The following VWC2 variants were observed in gnomAD, a reference collection of about 807,000 sequenced individuals.
The protein encoded by VWC2 is von Willebrand factor C domain containing 2.
Under a neutral mutation model 29.8 loss-of-function variants are expected in VWC2, and 14 were observed. That is an observed-to-expected ratio of 0.47 (90% CI 0.31 to 0.74). VWC2 has a LOEUF of 0.74. Ranked by LOEUF, VWC2 falls within the 30% of genes least tolerant of loss-of-function variation. The pLI, the probability that VWC2 is intolerant of heterozygous loss-of-function variation, is 0.05. For missense variants in VWC2, 457 were observed against 459.8 expected, an observed-to-expected ratio of 0.99 and a Z score of 0.05; for synonymous variants, 213 against 199.0, an observed-to-expected ratio of 1.07 and a Z score of -0.59.
chr7:49,869,814 A>G (rs985281826), intron 3 of VWC2, among the ~76,000 whole-genome samples: 2 of 151,908 alleles, frequency 1.3e-5, no homozygotes, highest in Non-Finnish European at 2.9e-5. Context: ...AAATGTACAT[A>G]TATGTTTTTT....
intron 3 of VWC2, among the ~76,000 whole-genome samples, chr7:49,816,823 C>T (rs1382703922): frequency 6.6e-6 from 1 of 152,176 alleles, no homozygotes; most frequent in Admixed American, 6.5e-5. Context: ...TTATCCCTAT[C>T]ACCTTGTCTA....
chr7:49,819,455 G>C (rs1789217753), intron 3 of VWC2, among the ~76,000 whole-genome samples: 1 of 152,174 alleles, frequency 6.6e-6, no homozygotes, highest in African/African-American at 2.4e-5. Context: ...GGGACATGCA[G>C]CCAAAACACG....
intron 2 of VWC2, among the ~76,000 whole-genome samples, chr7:49,780,564 A>T (rs1463448605): frequency 6.6e-6 from 1 of 152,084 alleles, no homozygotes; most frequent in African/African-American, 2.4e-5. Flanking sequence ...AATTTTTGTG[A>T]CTCTGAAATA....
In VWC2 at chr7:49,914,178, G is replaced by A. The variant is rs555057917; in HGVS notation, c.*1993G>A. ...GCCCCCATGGGTAGGTGGGCCATTA[G>A]TAACCTCTTCTCTCTCCATCAGGCA... On this transcript the variant is annotated 3_prime_UTR_variant, in exon 4 of 4. Transcript: ENST00000340652. 6.6e-6 allele frequency: 1 copy of A among 152,350 alleles called. No homozygotes were observed. Among genetic ancestry groups the A allele is most frequent in the South Asian group, 2.1e-4 (1 of 4,826 alleles). 9.4% of individuals were successfully genotyped at this position (152,350 alleles called of 1,614,324 possible). A position where few individuals can be genotyped will look rare whatever the true frequency, so the allele number is the denominator to read the frequency against.
At chr7:49,797,027 T>C (rs1035895388) in intron 2 of VWC2, among the ~76,000 whole-genome samples, 5 of 152,238 alleles carry the variant, frequency 3.3e-5, no homozygotes, top group African/African-American at 9.6e-5. Context: ...AGAAATAGAT[T>C]CAATATTTAT....
chr7:49,781,348 A>C (rs972529856), intron 2 of VWC2, among the ~76,000 whole-genome samples: 1 of 152,160 alleles, frequency 6.6e-6, no homozygotes, highest in East Asian at 1.9e-4. Flanking sequence ...GCTTATTTGC[A>C]TGTTCCATAC....
intron 2 of VWC2, among the ~76,000 whole-genome samples, chr7:49,788,445 CTGTGTGTGTG>C (rs35708736): frequency 5.4e-5 from 8 of 148,072 alleles, no homozygotes; most frequent in South Asian, 2.2e-4. Flanking sequence ...TTCCCCTGGC[CTGTGTGTGTG>C]TGTGTGTGTG....
At position 49,918,681 on chromosome 7, in the gene VWC2, A is replaced by G. The variant is rs1456890080; in HGVS notation, c.*6496A>G. The G allele has an allele frequency of 6.6e-6, 1 of 152,216 alleles. No individual in the cohort carries two copies. The highest frequency in any genetic ancestry group is 1.5e-5 in the Non-Finnish European group (1 of 68,042). The allele number at this position is 152,216 out of a possible 1,614,324, so 9.4% of individuals were successfully genotyped here. A position where few individuals can be genotyped will look rare whatever the true frequency, so the allele number is the denominator to read the frequency against. On this transcript the variant is annotated 3_prime_UTR_variant, in exon 4 of 4. Coordinates refer to ENST00000340652, the MANE Select transcript of VWC2 (RefSeq NM_198570.5). ...GTGATGATTATAGGGCAAACACTAC[A>G]ATTTCAAATTTCATATTCTTTTATC... is the stretch of plus-strand genomic sequence containing the variant.
chr7:49,803,932 G>A lies in VWC2; in HGVS notation c.826+1092G>A, dbSNP rs531682891. ...AATAATTGGAAGAGGGAATGATGTT[G>A]CTGTTGAAGGATAGACCTGAAAGAA... On this transcript the variant is annotated intron_variant, in intron 3 of 3. Coordinates refer to ENST00000340652, the MANE Select transcript of VWC2 (RefSeq NM_198570.5). Among the ~76,000 whole-genome samples the A allele has an allele frequency of 3.9e-5, 6 of 152,298 alleles. No homozygotes were observed. In the East Asian group the frequency reaches 9.6e-4, roughly 24 times the overall value.
At chr7:49,806,955 A>G (rs948256004) in intron 3 of VWC2, among the ~76,000 whole-genome samples, 11 of 152,348 alleles carry the variant, frequency 7.2e-5, no homozygotes, top group African/African-American at 2.4e-4. Context: ...GATTTTAACA[A>G]GGATGTTTAG....
chr7:49,797,605 G>A (rs777210003), intron 2 of VWC2, among the ~76,000 whole-genome samples: 8 of 152,080 alleles, frequency 5.3e-5, no homozygotes, highest in East Asian at 1.9e-4. Context: ...CGTGCACACC[G>A]TTGCTAATTT....
At chr7:49,876,438 A>G (rs1481499195) in intron 3 of VWC2, among the ~76,000 whole-genome samples, 1 of 152,168 alleles carries the variant, frequency 6.6e-6, no homozygotes, top group African/African-American at 2.4e-5. Context: ...CCTGTCTCCT[A>G]GAGTTTTGAA....
intron 2 of VWC2, among the ~76,000 whole-genome samples, chr7:49,784,335 C>T (rs1788248012): frequency 6.6e-6 from 1 of 152,222 alleles, no homozygotes; most frequent in African/African-American, 2.4e-5. Flanking sequence ...ATTCTATATT[C>T]ATTTTTAAAA....
At chr7:49,858,643 ATG>A (rs1790524936) in intron 3 of VWC2, among the ~76,000 whole-genome samples, 1 of 151,984 alleles carries the variant, frequency 6.6e-6, no homozygotes, top group South Asian at 2.1e-4. Flanking sequence ...AACACGGCAC[ATG>A]TATATATATG....
intron 2 of VWC2, among the ~76,000 whole-genome samples, chr7:49,788,953 A>G (rs1389689730): frequency 7.1e-6 from 1 of 140,100 alleles, no homozygotes; most frequent in Admixed American, 7.1e-5. Context: ...GTGTGGGTGC[A>G]TGTGTGTGCA....
At chr7:49,822,187 C>A (rs987012721) in intron 3 of VWC2, among the ~76,000 whole-genome samples, 1 of 151,906 alleles carries the variant, frequency 6.6e-6, no homozygotes, top group Non-Finnish European at 1.5e-5. Context: ...TTACAGTATT[C>A]AACGAAGTAA....
At chr7:49,789,113 A>C (rs1788392457) in intron 2 of VWC2, among the ~76,000 whole-genome samples, 1 of 120,878 alleles carries the variant, frequency 8.3e-6, no homozygotes, top group African/African-American at 3.9e-5. Context: ...AGAGATTGAG[A>C]GAGTGTAGTG....
Position 49,775,925 on chromosome 7 carries a change from G to T in VWC2, c.490G>T (p.Ala164Ser). 1 of 1,557,086 alleles carries T rather than the reference G, an allele frequency of 6.4e-7. No individual in the cohort carries two copies. ...GCVDESGFVY[A>S]IGEKFAPGPS... ...CGTGGACGAGAGCGGCTTCGTGTAC[G>T]CGATCGGGGAGAAGTTCGCGCCGGG... The change falls in exon 2 of 4, where the codon GCG becomes TCG. Residue 164 changes from alanine to serine, a missense_variant. Physicochemically the swap from Ala to Ser is moderately conservative, Grantham distance 99. Transcript: ENST00000340652.
intron 3 of VWC2, among the ~76,000 whole-genome samples, chr7:49,878,146 C>A (rs764166396): frequency 6.6e-5 from 10 of 152,138 alleles, no homozygotes; most frequent in Admixed American, 4.6e-4. Flanking sequence ...ACAGCCTGGG[C>A]CACACTCAGG....
Sources: allele counts gnomAD v4.1 joint callset (sites outside exome capture counted in the v4.1 genomes callset), GRCh38; gene constraint gnomAD v4.1.1; transcripts MANE v1.5; gene names NCBI Gene and HGNC (gene_info 2026-07-23, HGNC 2026-07-21).